FREM1: variants seen among roughly 807,000 people sequenced by gnomAD.
The protein encoded by FREM1 is FRAS1 related extracellular matrix 1.
FREM1 carries 220 observed loss-of-function variants against 210.1 expected under a neutral mutation model. The ratio of observed to expected loss-of-function variants is 1.05; its 90% CI spans 0.94 to 1.17. The LOEUF (loss-of-function observed/expected upper bound fraction) is 1.17. FREM1 is among the 50% of genes most tolerant of loss of function. The pLI, the probability that FREM1 is intolerant of heterozygous loss-of-function variation, is 0.00. For missense variants in FREM1, 3,454 were observed against 2,675.5 expected, an observed-to-expected ratio of 1.29 and a Z score of -6.42; for synonymous variants, 1,189 against 980.2, an observed-to-expected ratio of 1.21 and a Z score of -3.98.
intron 1 of FREM1, among the ~76,000 whole-genome samples, chr9:14,878,252 C>G (rs1023719606): frequency 6.6e-6 from 1 of 152,088 alleles, no homozygotes; most frequent in Non-Finnish European, 1.5e-5. Context: ...TCCTGTTTGT[C>G]TTCCCTTTGC....
chr9:14,869,112 C>A lies in FREM1; in HGVS notation c.-135G>T, dbSNP rs12238629. 9 of 584,546 alleles carry A rather than the reference C, an allele frequency of 1.5e-5. No homozygotes were observed. Among genetic ancestry groups the A allele is most frequent in the East Asian group, 2.8e-5 (1 of 36,062 alleles). 36.2% of individuals were successfully genotyped at this position (584,546 alleles called of 1,614,324 possible). A position where few individuals can be genotyped will look rare whatever the true frequency, so the allele number is the denominator to read the frequency against. On this transcript the variant is annotated 5_prime_UTR_variant, in exon 2 of 37. Coordinates refer to ENST00000380880, the MANE Select transcript of FREM1 (RefSeq NM_001379081.2). ...GGGTCCTGACAATGTGCCCCGAGATCTTAACATGCCCCTTTCATTTCAAAG... is the reference window on the plus strand; with the variant it reads ...GGGTCCTGACAATGTGCCCCGAGATATTAACATGCCCCTTTCATTTCAAAG...
At chr9:14,908,858 T>TG (rs1395552594) in intron 1 of FREM1, among the ~76,000 whole-genome samples, 1 of 152,076 alleles carries the variant, frequency 6.6e-6, no homozygotes, top group African/African-American at 2.4e-5. Context: ...ACCAAGCAAA[T>TG]GGGGGTTCTT....
rs866014838 is a variant in FREM1, at chr9:14,861,060, T to G, written c.330-1576A>C. Among the ~76,000 whole-genome samples the G allele has an allele frequency of 5.6e-5, 4 of 70,996 alleles. 2 individuals are homozygous for G. Among genetic ancestry groups the G allele is most frequent in the South Asian group, 7.5e-4 (2 of 2,656 alleles). 46.6% of individuals were successfully genotyped at this position (70,996 alleles called of 152,430 possible). A position where few individuals can be genotyped will look rare whatever the true frequency, so the allele number is the denominator to read the frequency against. Reference sequence around the variant, plus strand: ...ATACATATATACATATATACATATATACACATATACATATATACATATATA... The same window carrying G: ...ATACATATATACATATATACATATAGACACATATACATATATACATATATA... On this transcript the variant is annotated intron_variant, in intron 3 of 36. Transcript: ENST00000380880.
At position 14,860,865 on chromosome 9, in the gene FREM1, A is replaced by ACATATATACG. The variant is rs1830023294; in HGVS notation, c.330-1382_330-1381insCGTATATATG. 1.3e-4 allele frequency among the ~76,000 whole-genome samples: 7 copies of ACATATATACG among 52,520 alleles called. 1 individual carries two copies. Among genetic ancestry groups the ACATATATACG allele is most frequent in the African/African-American group, 1.1e-3 (6 of 5,578 alleles). 34.5% of individuals were successfully genotyped at this position (52,520 alleles called of 152,430 possible). On this transcript the variant is annotated intron_variant, in intron 3 of 36. Coordinates refer to ENST00000380880, the MANE Select transcript of FREM1 (RefSeq NM_001379081.2). ...TATACATATATACGTATATATACAC[A>ACATATATACG]TATATATACGTATATATACACATAT...
intron 13 of FREM1, among the ~76,000 whole-genome samples, chr9:14,822,838 A>T (rs979844109): frequency 2.6e-5 from 4 of 152,032 alleles, no homozygotes; most frequent in Non-Finnish European, 5.9e-5. Flanking sequence ...TGGCTAAGAG[A>T]CCCATAATTT....
intron 21 of FREM1, among the ~76,000 whole-genome samples, chr9:14,797,182 C>T (rs982808740): frequency 4.6e-5 from 7 of 152,186 alleles, no homozygotes; most frequent in East Asian, 3.8e-4. Flanking sequence ...TGTGCAGTCA[C>T]GTTGGTGTAA....
chr9:14,770,456 A>G, intron 26 of FREM1, 149 bp downstream of exon 26: 1 of 609,090 alleles, frequency 1.6e-6, no homozygotes, highest in South Asian at 2.2e-5. Context: ...AACCCTCTTT[A>G]GGAGCAATAT....
At chr9:14,837,326 T>C (rs963207306) in intron 10 of FREM1, among the ~76,000 whole-genome samples, 4 of 152,164 alleles carry the variant, frequency 2.6e-5, no homozygotes, top group Non-Finnish European at 4.4e-5. Context: ...GGACCTCCTC[T>C]TTCAGCTTTA....
chr9:14,901,798 T>C (rs1472973811), intron 1 of FREM1, among the ~76,000 whole-genome samples: 1 of 152,216 alleles, frequency 6.6e-6, no homozygotes, highest in Non-Finnish European at 1.5e-5. Flanking sequence ...CTTGAATTCA[T>C]CATCTTACAG....
chr9:14,797,422 A>G, intron 21 of FREM1, 76 bp downstream of exon 21: 1 of 1,209,844 alleles, frequency 8.3e-7, no homozygotes, highest in East Asian at 2.6e-5. Flanking sequence ...GGAGACACAC[A>G]CACACCTGTA....
At chr9:14,866,696 T>A (rs981980438) in intron 2 of FREM1, among the ~76,000 whole-genome samples, 2 of 152,142 alleles carry the variant, frequency 1.3e-5, no homozygotes, top group Admixed American at 6.5e-5. Flanking sequence ...GAATGATTTT[T>A]AAAAATATAT....
Position 14,824,087 on chromosome 9 carries a change from C to G in FREM1, c.2107G>C (p.Val703Leu). The G allele has an allele frequency of 6.3e-7, 1 of 1,587,222 alleles. No homozygotes were observed. Among genetic ancestry groups the G allele is most frequent in the Non-Finnish European group, 8.6e-7 (1 of 1,165,172 alleles). Residue 703 changes from valine to leucine, a missense_variant, in exon 12 of 37, where the codon GTG becomes CTG. Val to Leu is a conservative substitution (Grantham distance 32). Transcript: ENST00000380880. ...RHLDAGKLFM[V>L]DSIPKVVKNP... Reference sequence around the variant, plus strand: ...TTAACTACTTTTGGTATGCTGTCCACCATAAATAATTTCCCAGCATCCAAG... The same window carrying G: ...TTAACTACTTTTGGTATGCTGTCCAGCATAAATAATTTCCCAGCATCCAAG...
chr9:14,889,526 AGG>A (rs1282423651), intron 1 of FREM1, among the ~76,000 whole-genome samples: 6 of 152,242 alleles, frequency 3.9e-5, no homozygotes, highest in Non-Finnish European at 8.8e-5. Flanking sequence ...CTGGAAACCA[AGG>A]CTGGATGGGA....
chr9:14,743,995 T>C (rs1178802258), intron 35 of FREM1, among the ~76,000 whole-genome samples: 2 of 152,108 alleles, frequency 1.3e-5, no homozygotes, highest in East Asian at 3.9e-4. Context: ...GACGGAAGAA[T>C]GTCTTATTTG....
At chr9:14,879,805 G>A (rs937417389) in intron 1 of FREM1, among the ~76,000 whole-genome samples, 3 of 152,158 alleles carry the variant, frequency 2.0e-5, no homozygotes, top group African/African-American at 7.2e-5. Flanking sequence ...GACATGTGTT[G>A]TATTAACATG....
chr9:14,867,476 C>A (rs1450400352), intron 2 of FREM1, among the ~76,000 whole-genome samples: 1 of 152,120 alleles, frequency 6.6e-6, no homozygotes. Flanking sequence ...ATCTTACAAG[C>A]AACTAGGCAG....
chr9:14,861,228 T>TAC lies in FREM1; in HGVS notation c.330-1746_330-1745dup, dbSNP rs1181561308. On this transcript the variant is annotated intron_variant, in intron 3 of 36. Transcript: ENST00000380880. ...ACACATATACATATATACACATATA[T>TAC]ACACATATATACACACATATATACA... Among the ~76,000 whole-genome samples the TAC allele has an allele frequency of 2.1e-3, 220 of 103,086 alleles. 51 individuals carry two copies. The highest frequency in any genetic ancestry group is 8.9e-3 in the African/African-American group (203 of 22,880). 67.6% of individuals were successfully genotyped at this position (103,086 alleles called of 152,430 possible). A position where few individuals can be genotyped will look rare whatever the true frequency, so the allele number is the denominator to read the frequency against.
At chr9:14,858,534 T>A (rs1020138553) in intron 4 of FREM1, among the ~76,000 whole-genome samples, 25 of 151,250 alleles carry the variant, frequency 1.7e-4, no homozygotes, top group African/African-American at 6.1e-4. Flanking sequence ...GAGTCTCATT[T>A]CTCAGACGTA....
At chr9:14,844,225 C>CTTTTT (rs35686371) in intron 8 of FREM1, among the ~76,000 whole-genome samples, 2 of 138,782 alleles carry the variant, frequency 1.4e-5, no homozygotes, top group Non-Finnish European at 1.6e-5. Flanking sequence ...ACAACTCTTC[C>CTTTTT]TTTTTTTTTT....
Sources: gnomAD v4.1 joint callset for allele counts (sites outside exome capture counted in the v4.1 genomes callset) on GRCh38, gnomAD v4.1.1 for gene constraint, MANE v1.5 for transcripts, NCBI Gene and HGNC (gene_info 2026-07-23, HGNC 2026-07-21) for gene names.